The following RFX3 variants were observed in gnomAD, a reference collection of about 807,000 sequenced individuals.
The protein encoded by RFX3 is transcription factor RFX3.
Under a neutral mutation model 98.6 loss-of-function variants are expected in RFX3, and 14 were observed. The ratio of observed to expected loss-of-function variants is 0.14; its 90% CI spans 0.09 to 0.22. The LOEUF is 0.22. Among genes scored for constraint, RFX3 ranks in the 10% least tolerant of loss-of-function variants. The pLI, the probability that RFX3 is intolerant of heterozygous loss-of-function variation, is 1.00. For synonymous variants in RFX3, 383 were observed against 328.4 expected, an observed-to-expected ratio of 1.17 and a Z score of -1.80; for missense variants, 639 against 926.9, an observed-to-expected ratio of 0.69 and a Z score of 4.03.
At chr9:3,418,287 G>A (rs111248443) in intron 1 of RFX3, among the ~76,000 whole-genome samples, 10,244 of 152,276 alleles carry the variant, frequency 0.067, 470 homozygotes, top group South Asian at 0.18. Flanking sequence ...ACTGCTTTCT[G>A]TGGGCTTACA....
chr9:3,515,783 C>T (rs767993534), intron 1 of RFX3, among the ~76,000 whole-genome samples: 6 of 152,222 alleles, frequency 3.9e-5, no homozygotes, highest in African/African-American at 7.2e-5. Context: ...TACACAAATG[C>T]TATTAGGCAT....
chr9:3,265,823 G>C (rs987799530), intron 12 of RFX3, among the ~76,000 whole-genome samples: 1 of 151,996 alleles, frequency 6.6e-6, no homozygotes, highest in African/African-American at 2.4e-5. Flanking sequence ...GGAAATTTTA[G>C]AAATAGAAAA....
intron 1 of RFX3, among the ~76,000 whole-genome samples, chr9:3,468,809 C>A (rs1331318664): frequency 1.5e-5 from 2 of 133,572 alleles, no homozygotes; most frequent in East Asian, 2.6e-4. Context: ...CGATTGTTTT[C>A]CTTTTGAAAA....
intron 11 of RFX3, among the ~76,000 whole-genome samples, chr9:3,267,178 T>C (rs1563829120): frequency 6.6e-6 from 1 of 151,996 alleles, no homozygotes. Flanking sequence ...AATAGTATTT[T>C]ACTTCCTCTG....
intron 3 of RFX3, among the ~76,000 whole-genome samples, chr9:3,335,013 T>C (rs529181978): frequency 6.6e-6 from 1 of 151,990 alleles, no homozygotes; most frequent in South Asian, 2.1e-4. Flanking sequence ...TCCCAGCTAC[T>C]GAAGCTGAGG....
intron 9 of RFX3, among the ~76,000 whole-genome samples, chr9:3,272,003 C>G (rs1824554484): frequency 6.6e-6 from 1 of 152,114 alleles, no homozygotes; most frequent in Non-Finnish European, 1.5e-5. Flanking sequence ...TTTTTTATCT[C>G]CTAGAACTAT....
chr9:3,350,792 T>C (rs918006833), intron 2 of RFX3, among the ~76,000 whole-genome samples: 3 of 151,992 alleles, frequency 2.0e-5, no homozygotes, highest in African/African-American at 7.2e-5. Flanking sequence ...AGCCATGAAA[T>C]GACATGAGAG....
intron 7 of RFX3, among the ~76,000 whole-genome samples, chr9:3,282,761 A>G (rs944131347): frequency 3.3e-5 from 5 of 151,772 alleles, no homozygotes; most frequent in Non-Finnish European, 7.4e-5. Flanking sequence ...AAGAATGACA[A>G]TCTGGCTCCA....
At chr9:3,491,283 A>G (rs547514688) in intron 1 of RFX3, among the ~76,000 whole-genome samples, 9 of 152,280 alleles carry the variant, frequency 5.9e-5, no homozygotes, top group African/African-American at 2.2e-4. Context: ...AGGTGATAAC[A>G]AACCAGATAC....
intron 3 of RFX3, among the ~76,000 whole-genome samples, chr9:3,346,404 T>A (rs1834445382): frequency 1.3e-5 from 2 of 152,196 alleles, no homozygotes; most frequent in Non-Finnish European, 2.9e-5. Flanking sequence ...TATACATTTT[T>A]TCTCTACATA....
chr9:3,323,080 C>G (rs1831495692), intron 4 of RFX3, among the ~76,000 whole-genome samples: 1 of 152,152 alleles, frequency 6.6e-6, no homozygotes, highest in African/African-American at 2.4e-5. Context: ...TAGTTACAAT[C>G]AAATGCCATA....
intron 1 of RFX3, among the ~76,000 whole-genome samples, chr9:3,443,765 T>C (rs1845804461): frequency 1.3e-5 from 2 of 152,336 alleles, no homozygotes; most frequent in Admixed American, 1.3e-4. Flanking sequence ...CCTCTAAGTC[T>C]TTGAGGAATT....
At chr9:3,502,156 A>G (rs75121081) in intron 1 of RFX3, among the ~76,000 whole-genome samples, 26,174 of 150,886 alleles carry the variant, frequency 0.17, 3,875 homozygotes, top group East Asian at 0.59. Context: ...CTACTCGAGA[A>G]GCTGAGGCAG....
chr9:3,378,544 T>G (rs1191020714), intron 2 of RFX3, among the ~76,000 whole-genome samples: 3 of 151,192 alleles, frequency 2.0e-5, no homozygotes, highest in Admixed American at 2.0e-4. Context: ...TTTCTCATAT[T>G]TTTTTTCTTT....
At chr9:3,467,682 G>A (rs550024719) in intron 1 of RFX3, among the ~76,000 whole-genome samples, 1 of 152,056 alleles carries the variant, frequency 6.6e-6, no homozygotes, top group South Asian at 2.1e-4. Context: ...AAGAGGGTGA[G>A]GACCAAAGAA....
intron 12 of RFX3, 76 bp from the exon 13 acceptor site, chr9:3,263,160 T>C (rs564394095): frequency 1.2e-5 from 18 of 1,499,466 alleles, no homozygotes; most frequent in Non-Finnish European, 1.5e-5. Flanking sequence ...AAATCTTCTT[T>C]CCCTTCACAA....
In RFX3 at chr9:3,288,060, C is replaced by T. The variant is rs1203115404; in HGVS notation, c.851+71G>A. The T allele has an allele frequency of 2.8e-6, 4 of 1,444,918 alleles. No homozygotes were observed. In the East Asian group the frequency reaches 6.9e-5, roughly 25 times the overall value. The allele number at this position is 1,444,918 out of a possible 1,614,324, so 89.5% of individuals were successfully genotyped here. On this transcript the variant is annotated intron_variant, in intron 7 of 16. Transcript: ENST00000617270. ...GTTCTTTTATACTTAGGTATTTGTT[C>T]AGAAAAAAGGAGACCCGAACAACTA...
chr9:3,385,704 AG>A (rs1425457537), intron 2 of RFX3, among the ~76,000 whole-genome samples: 50 of 92,162 alleles, frequency 5.4e-4, no homozygotes, highest in Middle Eastern at 6.1e-3. Flanking sequence ...AAAAAAAAAA[AG>A]AAAAGAAAAG....
chr9:3,248,440 T>C (rs974784978), intron 14 of RFX3, among the ~76,000 whole-genome samples: 7 of 152,220 alleles, frequency 4.6e-5, no homozygotes, highest in African/African-American at 1.7e-4. Context: ...TCTACTATCA[T>C]GGGCAAGTCT....
Sources: gnomAD v4.1 joint callset for allele counts (sites outside exome capture counted in the v4.1 genomes callset) on GRCh38, gnomAD v4.1.1 for gene constraint, MANE v1.5 for transcripts, NCBI Gene and HGNC (gene_info 2026-07-23, HGNC 2026-07-21) for gene names.